Variants in ARID2 observed in about 807,000 individuals in gnomAD.
ARID2 encodes AT-rich interaction domain 2.
In ARID2, 32 loss-of-function variants were observed where a neutral mutation model predicts 184.6. The ratio of observed to expected loss-of-function variants is 0.17; its 90% CI spans 0.13 to 0.23. ARID2 has a LOEUF of 0.23. Ranked by LOEUF, ARID2 falls within the 10% of genes least tolerant of loss-of-function variation. The pLI is 1.00. For missense variants in ARID2, 1,696 were observed against 2,197.6 expected, an observed-to-expected ratio of 0.77 and a Z score of 4.56; for synonymous variants, 836 against 772.6, an observed-to-expected ratio of 1.08 and a Z score of -1.36.
chr12:45,740,222 T>G (rs1268474995), intron 3 of ARID2, among the ~76,000 whole-genome samples: 1 of 152,216 alleles, frequency 6.6e-6, no homozygotes, highest in East Asian at 1.9e-4. Context: ...TATGTGATTT[T>G]TGATATAGTC....
intron 3 of ARID2, among the ~76,000 whole-genome samples, chr12:45,807,009 C>G (rs563711721): frequency 2.2e-4 from 33 of 152,308 alleles, no homozygotes; most frequent in African/African-American, 7.5e-4. Context: ...CTTTCTGTAG[C>G]TCCTCAGGAG....
chr12:45,771,957 C>T (rs1281381841), intron 3 of ARID2, among the ~76,000 whole-genome samples: 1 of 151,922 alleles, frequency 6.6e-6, no homozygotes, highest in Non-Finnish European at 1.5e-5. Flanking sequence ...CAGCTTATAA[C>T]ATTTATAGAT....
intron 6 of ARID2, among the ~76,000 whole-genome samples, chr12:45,833,175 T>C (rs1943153350): frequency 6.6e-6 from 1 of 152,194 alleles, no homozygotes. Context: ...CCCCAAGTTA[T>C]GATAAACTTA....
chr12:45,763,670 T>C (rs1488843132), intron 3 of ARID2, among the ~76,000 whole-genome samples: 1 of 152,112 alleles, frequency 6.6e-6, no homozygotes, highest in Non-Finnish European at 1.5e-5. Context: ...TAAAATTTTT[T>C]TGTAGACACA....
At chr12:45,731,081 C>G in intron 2 of ARID2, 136 bp from the exon 3 acceptor site, 6 of 641,598 alleles carry the variant, frequency 9.4e-6, no homozygotes, top group African/African-American at 1.8e-5. Flanking sequence ...CTTAGTAACT[C>G]TTACCGATCG....
chr12:45,766,574 C>G (rs773806883), intron 3 of ARID2, among the ~76,000 whole-genome samples: 1 of 151,272 alleles, frequency 6.6e-6, no homozygotes, highest in Non-Finnish European at 1.5e-5. Flanking sequence ...AGTGCAGTGG[C>G]GCAATCTTGG....
At chr12:45,847,771 T>A (rs942296042) in intron 12 of ARID2, among the ~76,000 whole-genome samples, 1 of 152,088 alleles carries the variant, frequency 6.6e-6, no homozygotes, top group African/African-American at 2.4e-5. Context: ...TTCTCCAGAC[T>A]TTTCTACTTT....
rs996223842 is a variant in ARID2 at position 45,908,024 on chromosome 12, G to T, written c.*2946G>T. 1.8e-5 allele frequency: 4 copies of T among 220,912 alleles called. No individual in the cohort carries two copies. Among genetic ancestry groups the T allele is most frequent in the African/African-American group, 9.0e-5 (4 of 44,648 alleles). The allele number at this position is 220,912 out of a possible 1,614,324, so 13.7% of individuals were successfully genotyped here. A position where few individuals can be genotyped will look rare whatever the true frequency, so the allele number is the denominator to read the frequency against. On this transcript the variant is annotated 3_prime_UTR_variant, in exon 21 of 21. Transcript: ENST00000334344. ...TTTAACCATGAAATGACAATAAAATGATTTTTAAAATGAGAATGTTTTGGA... is the reference window on the plus strand; with the variant it reads ...TTTAACCATGAAATGACAATAAAATTATTTTTAAAATGAGAATGTTTTGGA...
At chr12:45,897,419 A>T (rs1025144068) in intron 20 of ARID2, among the ~76,000 whole-genome samples, 2 of 152,230 alleles carry the variant, frequency 1.3e-5, no homozygotes, top group Non-Finnish European at 2.9e-5. Context: ...AAGCTTGTAC[A>T]TCAAAGGATA....
In ARID2 at chr12:45,731,526, A is replaced by G. The variant is rs183574517; in HGVS notation, c.284+212A>G. Among the ~76,000 whole-genome samples the G allele has an allele frequency of 2.2e-4, 33 of 152,318 alleles. No homozygotes were observed. The East Asian group carries it at 4.6e-3, about 21-fold the overall frequency. ...TCAGGATCGTTTACATTTTTCATACAAAATCATTACAGGTGACACCCCAGC... is the reference window on the plus strand; with the variant it reads ...TCAGGATCGTTTACATTTTTCATACGAAATCATTACAGGTGACACCCCAGC... On this transcript the variant is annotated intron_variant, in intron 3 of 20. Transcript: ENST00000334344.
At chr12:45,800,204 T>C (rs575749390) in intron 3 of ARID2, among the ~76,000 whole-genome samples, 12 of 152,138 alleles carry the variant, frequency 7.9e-5, no homozygotes, top group African/African-American at 2.7e-4. Flanking sequence ...AAAATATAAG[T>C]AATAATAAAA....
At chr12:45,761,517 T>G (rs1941678384) in intron 3 of ARID2, among the ~76,000 whole-genome samples, 1 of 152,174 alleles carries the variant, frequency 6.6e-6, no homozygotes, top group Admixed American at 6.5e-5. Flanking sequence ...TTTTTCTACC[T>G]CAATATTTTG....
intron 16 of ARID2, among the ~76,000 whole-genome samples, chr12:45,891,531 A>G (rs1218606707): frequency 6.6e-6 from 1 of 152,236 alleles, no homozygotes; most frequent in Non-Finnish European, 1.5e-5. Context: ...AAAGTACAGT[A>G]GAGTATGGTA....
rs1234834146 is a variant in ARID2, at chr12:45,851,711, T to G, written c.3588T>G (p.Ile1196Met). The G allele has an allele frequency of 3.1e-6, 5 of 1,614,172 alleles. No individual in the cohort carries two copies. The highest frequency in any genetic ancestry group is 4.2e-6 in the Non-Finnish European group (5 of 1,180,010). ...TVSQGNATQL[I>M]APAGITMSGT... ...GTCAGGGAAATGCAACTCAGCTCAT[T>G]GCTCCAGCAGGAATTACCATGAGCG... Residue 1196 changes from isoleucine to methionine, a missense_variant, in exon 15 of 21, where the codon ATT (isoleucine) becomes ATG (methionine). Physicochemically the swap from Ile to Met is conservative, Grantham distance 10. Transcript: ENST00000334344.
In ARID2 at chr12:45,851,384, T is replaced by C. The variant is rs1283927845; in HGVS notation, c.3261T>C (p.Pro1087=). 4 of 1,614,058 alleles carry C rather than the reference T, an allele frequency of 2.5e-6. No individual in the cohort carries two copies. The highest frequency in any genetic ancestry group is 3.4e-6 in the Non-Finnish European group (4 of 1,179,972). Residue 1087 remains proline, a synonymous_variant, in exon 15 of 21, where the codon CCT becomes CCC. Coordinates refer to ENST00000334344, the MANE Select transcript of ARID2 (RefSeq NM_152641.4). ...LILPAPQIPP[P]NNARAPSPQV... is the part of the protein sequence containing the mutation. ...TCCCAGCTCCACAGATTCCTCCCCCTAATAATGCAAGAGCTCCTAGCCCTC... is the reference window on the plus strand; with the variant it reads ...TCCCAGCTCCACAGATTCCTCCCCCCAATAATGCAAGAGCTCCTAGCCCTC...
At chr12:45,878,755 G>C (rs943633074) in intron 16 of ARID2, among the ~76,000 whole-genome samples, 1 of 152,018 alleles carries the variant, frequency 6.6e-6, no homozygotes, top group African/African-American at 2.4e-5. Flanking sequence ...TCTTCTGACC[G>C]TGTGTGTGGT....
At chr12:45,813,072 AT>A (rs1414154237) in intron 4 of ARID2, among the ~76,000 whole-genome samples, 2 of 152,214 alleles carry the variant, frequency 1.3e-5, no homozygotes, top group Non-Finnish European at 2.9e-5. Flanking sequence ...TAAAGGAGTG[AT>A]AGAATTGCTT....
At chr12:45,861,419 A>G (rs1016627571) in intron 16 of ARID2, among the ~76,000 whole-genome samples, 5 of 152,172 alleles carry the variant, frequency 3.3e-5, no homozygotes, top group Non-Finnish European at 5.9e-5. Flanking sequence ...CCATCTTACA[A>G]TTTAATTAAG....
chr12:45,811,299 G>C (rs1166975050), intron 3 of ARID2, 119 bp from the exon 4 acceptor site: 1 of 1,106,786 alleles, frequency 9.0e-7, no homozygotes, highest in Non-Finnish European at 1.2e-6. Flanking sequence ...GAGGTTTATG[G>C]TATTTTTATT....
Sources: allele counts gnomAD v4.1 joint callset (sites outside exome capture counted in the v4.1 genomes callset), GRCh38; gene constraint gnomAD v4.1.1; transcripts MANE v1.5; gene names NCBI Gene and HGNC (gene_info 2026-07-23, HGNC 2026-07-21).